TCF23: variants seen among roughly 807,000 people sequenced by gnomAD.
TCF23 encodes class A basic helix-loop-helix protein 24.
A neutral mutation model predicts 13.0 loss-of-function variants in TCF23; 7 were observed. That is an observed-to-expected ratio of 0.54 (90% CI 0.31 to 1.01). TCF23 has a LOEUF of 1.01. TCF23 is among the 50% of genes least tolerant of loss of function. The pLI, the probability that TCF23 is intolerant of heterozygous loss-of-function variation, is 0.06. For missense variants in TCF23, 257 were observed against 289.8 expected (o/e 0.89, Z 0.82); for synonymous variants, 122 against 119.5 (o/e 1.02, Z -0.14).
chr2:27,149,038 C>A lies in TCF23; in HGVS notation c.-96C>A. 8.3e-7 allele frequency: 1 copy of A among 1,212,042 alleles called. No homozygotes were observed. The allele number at this position is 1,212,042 out of a possible 1,614,324, so 75.1% of individuals were successfully genotyped here. The stretch of plus-strand genomic sequence containing the variant: ...CCAGCTTCCTCGGATGTAGATATTG[C>A]TGGCTGGATGACCAGCCACAGCCAG... On this transcript the variant is annotated 5_prime_UTR_variant, in exon 1 of 3. In the 5' UTR this introduces an upstream ATG that the reference lacks. Coordinates refer to ENST00000296096, the MANE Select transcript of TCF23 (RefSeq NM_175769.3).
chr2:27,150,119 G>A lies in TCF23; in HGVS notation c.223-4G>A, dbSNP rs769235669. On this transcript the variant is annotated splice_polypyrimidine_tract_variant and splice_region_variant and intron_variant, in intron 1 of 2. Transcript: ENST00000296096. The surrounding 1 kb of genome is among the most constrained non-coding windows in gnomAD (Gnocchi z 4.1). The stretch of plus-strand genomic sequence containing the variant: ...ACACACACTCACTGGGGCCCTCTGT[G>A]CAGAGCGAGGCCAGTCCTGAGAATG... 36 of 1,598,894 alleles carry A rather than the reference G, an allele frequency of 2.3e-5. No homozygotes were observed. The highest frequency in any genetic ancestry group is 3.0e-5 in the Non-Finnish European group (35 of 1,176,618).
chr2:27,153,102 A>G lies in TCF23; in HGVS notation c.*235A>G. 1.0e-6 allele frequency: 1 copy of G among 960,694 alleles called. No homozygotes were observed. The highest frequency in any genetic ancestry group is 3.2e-5 in the South Asian group (1 of 31,522). 59.5% of individuals were successfully genotyped at this position (960,694 alleles called of 1,614,324 possible). A position where few individuals can be genotyped will look rare whatever the true frequency, so the allele number is the denominator to read the frequency against. On this transcript the variant is annotated 3_prime_UTR_variant, in exon 3 of 3. Coordinates refer to ENST00000296096, the MANE Select transcript of TCF23 (RefSeq NM_175769.3). ...GACTTCCCCATGGCTCTTCTGTGAC[A>G]GCTACTGGGAAGTGGGAGAGAAAGA... is the stretch of plus-strand genomic sequence containing the variant.
rs945599240 is a variant in TCF23, at chr2:27,153,212, A to G, written c.*345A>G. ...TCTACAAACCCTCTGCAGATAGCAA[A>G]AAGGCAGGTGCAGAGGGAGGGGCCT... On this transcript the variant is annotated 3_prime_UTR_variant, in exon 3 of 3. Coordinates refer to ENST00000296096, the MANE Select transcript of TCF23 (RefSeq NM_175769.3). The G allele has an allele frequency of 9.1e-4, 186 of 205,476 alleles. No homozygotes were observed. The highest frequency in any genetic ancestry group is 4.1e-3 in the African/African-American group (179 of 43,164). The allele number at this position is 205,476 out of a possible 1,614,324, so 12.7% of individuals were successfully genotyped here.
At chr2:27,151,149 A>G (rs1003680931) in intron 2 of TCF23, among the ~76,000 whole-genome samples, 1 of 152,164 alleles carries the variant, frequency 6.6e-6, no homozygotes, top group Non-Finnish European at 1.5e-5. Flanking sequence ...ATGAGGCTGA[A>G]AGCGGTTTGA....
chr2:27,152,445 G>A (rs1672774383), intron 2 of TCF23, among the ~76,000 whole-genome samples: 1 of 152,228 alleles, frequency 6.6e-6, no homozygotes, highest in Non-Finnish European at 1.5e-5. Context: ...TCCCAACAGA[G>A]CGCTGCTCTT....
Position 27,150,298 on chromosome 2 carries a change from G to A in TCF23, c.398G>A (p.Gly133Asp), listed in dbSNP as rs148091174. ...SYIAHLTRTL[G>D]HELPGPAWPP... Reference sequence around the variant, plus strand: ...ATAGCCCACCTCACCCGCACACTCGGCCACGAGTTGCCTGGCCCTGCCTGG... The same window carrying A: ...ATAGCCCACCTCACCCGCACACTCGACCACGAGTTGCCTGGCCCTGCCTGG... Residue 133 changes from glycine (G) to aspartate (D), a missense_variant, in exon 2 of 3, where the codon GGC becomes GAC. By Grantham distance (94) the Gly-to-Asp change is moderately conservative. Transcript: ENST00000296096. This position sits in a 1 kb window ranked among gnomAD's most constrained non-coding sequence, Gnocchi z 4.1. 3,543 of 1,613,732 alleles carry A rather than the reference G, an allele frequency of 2.2e-3. 6 individuals carry two copies. The highest frequency in any genetic ancestry group is 2.7e-3 in the Non-Finnish European group (3,236 of 1,180,014).
intron 2 of TCF23, among the ~76,000 whole-genome samples, chr2:27,151,051 G>A (rs1033999129): frequency 6.6e-6 from 1 of 152,234 alleles, no homozygotes; most frequent in Admixed American, 6.5e-5. Context: ...GCTGGGTTAA[G>A]TACGTTAGTG....
intron 2 of TCF23, among the ~76,000 whole-genome samples, chr2:27,152,464 C>T (rs1199967917): frequency 5.3e-5 from 8 of 152,192 alleles, no homozygotes; most frequent in African/African-American, 1.9e-4. Flanking sequence ...TTCTTGGGGC[C>T]CTCTCCCTCC....
Position 27,150,007 on chromosome 2 carries a change from G to C in TCF23, c.223-116G>C. On this transcript the variant is annotated intron_variant, in intron 1 of 2. Transcript: ENST00000296096. This position sits in a 1 kb window ranked among gnomAD's most constrained non-coding sequence, Gnocchi z 4.1. ...GACGTAGGTGGGCAGAGGCCCTCTGGTGCCTACTGCTAGACACCCTTCTAC... is the reference window on the plus strand; with the variant it reads ...GACGTAGGTGGGCAGAGGCCCTCTGCTGCCTACTGCTAGACACCCTTCTAC... The C allele has an allele frequency of 1.3e-6, 2 of 1,487,262 alleles. No individual in the cohort carries two copies. The highest frequency in any genetic ancestry group is 4.6e-5 in the East Asian group (2 of 43,874). The allele number at this position is 1,487,262 out of a possible 1,614,324, so 92.1% of individuals were successfully genotyped here. A position where few individuals can be genotyped will look rare whatever the true frequency, so the allele number is the denominator to read the frequency against.
Position 27,152,678 on chromosome 2 carries a change from T to C in TCF23, c.466-10T>C. On this transcript the variant is annotated splice_polypyrimidine_tract_variant and intron_variant, in intron 2 of 2. Transcript: ENST00000296096. The stretch of plus-strand genomic sequence containing the variant: ...GCAGCATTTCTCACTTCCCAATCTG[T>C]GTCTTGCAGAAGTGGCCGATGCGAT... 6.2e-7 allele frequency: 1 copy of C among 1,610,210 alleles called. No homozygotes were observed. The highest frequency in any genetic ancestry group is 1.1e-5 in the South Asian group (1 of 90,738).
rs1672752364 is a variant in TCF23 at position 27,150,879 on chromosome 2, C to T, written c.465+514C>T. On this transcript the variant is annotated intron_variant, in intron 2 of 2. Transcript: ENST00000296096. This position sits in a 1 kb window ranked among gnomAD's most constrained non-coding sequence, Gnocchi z 4.1. ...GTACAGGGAAGGCGCGCACCACTTG[C>T]CAGACTGCAATCTAGCTTTTCTCAA... is the stretch of plus-strand genomic sequence containing the variant. Among the ~76,000 whole-genome samples, 1 of 152,104 alleles carries T rather than the reference C, an allele frequency of 6.6e-6. No homozygotes were observed. Among genetic ancestry groups the T allele is most frequent in the Non-Finnish European group, 1.5e-5 (1 of 68,012 alleles).
chr2:27,149,149 G>C lies in TCF23; in HGVS notation c.16G>C (p.Ala6Pro), dbSNP rs1230203924. 1 of 1,550,072 alleles carries C rather than the reference G, an allele frequency of 6.5e-7. No homozygotes were observed. The highest frequency in any genetic ancestry group is 1.4e-5 in the African/African-American group (1 of 73,120). Reference protein sequence around the residue: MSQRKARGPPAMPGVG... With the variant: MSQRKPRGPPAMPGVG... Reference sequence around the variant, plus strand: ...GTGGGGTGGCATGTCACAGAGGAAGGCCAGAGGGCCACCAGCCATGCCAGG... The same window carrying C: ...GTGGGGTGGCATGTCACAGAGGAAGCCCAGAGGGCCACCAGCCATGCCAGG... The change falls in exon 1 of 3, where the codon GCC becomes CCC. Residue 6 changes from alanine to proline, a missense_variant. Physicochemically the swap from Ala to Pro is conservative, Grantham distance 27. Coordinates refer to ENST00000296096, the MANE Select transcript of TCF23 (RefSeq NM_175769.3).
chr2:27,151,340 C>T (rs1483295539), intron 2 of TCF23, among the ~76,000 whole-genome samples: 1 of 151,902 alleles, frequency 6.6e-6, no homozygotes, highest in Non-Finnish European at 1.5e-5. Flanking sequence ...TATATATGTA[C>T]TATTATTTTT....
intron 2 of TCF23, 145 bp from the exon 3 acceptor site, chr2:27,152,543 G>A (rs1414236952): frequency 2.2e-6 from 2 of 898,404 alleles, no homozygotes; most frequent in Non-Finnish European, 3.3e-6. Context: ...GGCTGTACAT[G>A]ATGATGACCC....
In TCF23 at chr2:27,150,485, G is replaced by A. The variant is rs986513509; in HGVS notation, c.465+120G>A. On this transcript the variant is annotated intron_variant, in intron 2 of 2. Coordinates refer to ENST00000296096, the MANE Select transcript of TCF23 (RefSeq NM_175769.3). The surrounding 1 kb of genome is among the most constrained non-coding windows in gnomAD (Gnocchi z 4.1). ...CCCTGCCCTGTGCAGAACTGACGTC[G>A]GAGCCAATTTCTCCTGCTGTCTCAG... 85 of 1,494,064 alleles carry A rather than the reference G, an allele frequency of 5.7e-5. 1 individual carries two copies. The highest frequency in any genetic ancestry group is 3.5e-4 in the African/African-American group (25 of 71,820). 92.6% of individuals were successfully genotyped at this position (1,494,064 alleles called of 1,614,324 possible).
At position 27,149,373 on chromosome 2, in the gene TCF23, C is replaced by T. The variant is rs1366946758; in HGVS notation, c.222+18C>T. 20 of 1,559,640 alleles carry T rather than the reference C, an allele frequency of 1.3e-5. No homozygotes were observed. Among genetic ancestry groups the T allele is most frequent in the Non-Finnish European group, 1.6e-5 (18 of 1,151,174 alleles). On this transcript the variant is annotated intron_variant, in intron 1 of 2. Coordinates refer to ENST00000296096, the MANE Select transcript of TCF23 (RefSeq NM_175769.3). ...TTGGCAGGGTAAGGAAATCCTGCAC[C>T]TGCAGAGGGGTCCAGGGGAGGAAGG... is the stretch of plus-strand genomic sequence containing the variant.
rs200237600 is a variant in TCF23 at position 27,150,224 on chromosome 2, C to T, written c.324C>T (p.Pro108=). ...ALQAALPAVP[P]DTKLSKLDVL... ...AGGCTGCTCTGCCTGCCGTGCCGCC[C>T]GACACCAAGCTCTCCAAGTTGGACG... The change falls in exon 2 of 3, where the codon CCC becomes CCT. Residue 108 remains proline, a synonymous_variant. Coordinates refer to ENST00000296096, the MANE Select transcript of TCF23 (RefSeq NM_175769.3). The surrounding 1 kb of genome is among the most constrained non-coding windows in gnomAD (Gnocchi z 4.1). The T allele has an allele frequency of 2.9e-5, 47 of 1,613,394 alleles. 1 individual carries two copies. The East Asian group carries it at 6.2e-4, about 21-fold the overall frequency.
Position 27,152,899 on chromosome 2 carries a change from G to GAC in TCF23, c.*33_*34dup, listed in dbSNP as rs749054320. The GAC allele has an allele frequency of 6.8e-5, 109 of 1,591,770 alleles. No individual in the cohort carries two copies. Among genetic ancestry groups the GAC allele is most frequent in the Non-Finnish European group, 9.3e-5 (108 of 1,165,932 alleles). On this transcript the variant is annotated 3_prime_UTR_variant, in exon 3 of 3. Coordinates refer to ENST00000296096, the MANE Select transcript of TCF23 (RefSeq NM_175769.3). Reference sequence around the variant, plus strand: ...CACTCGCCCTTTTCTCCTAGACTGTGACTCATGCTTATGGGCCTGGATTTT... The same window carrying GAC: ...CACTCGCCCTTTTCTCCTAGACTGTGACACTCATGCTTATGGGCCTGGATTTT...
Position 27,150,140 on chromosome 2 carries a change from G to A in TCF23, c.240G>A (p.Glu80=). 1 of 1,605,912 alleles carries A rather than the reference G, an allele frequency of 6.2e-7. No individual in the cohort carries two copies. The highest frequency in any genetic ancestry group is 8.5e-7 in the Non-Finnish European group (1 of 1,178,896). ...CTGTGCAGAGCGAGGCCAGTCCTGA[G>A]AATGCCGCGCGGGAGCGGAGCCGGG... is the stretch of plus-strand genomic sequence containing the variant. ...LALGRSEASP[E]NAARERSRVR... The change falls in exon 2 of 3, where the codon GAG becomes GAA. Residue 80 remains glutamate (E), a synonymous_variant. Transcript: ENST00000296096. This position sits in a 1 kb window ranked among gnomAD's most constrained non-coding sequence, Gnocchi z 4.1.
Sources: allele counts gnomAD v4.1 joint callset (sites outside exome capture counted in the v4.1 genomes callset), GRCh38; gene constraint gnomAD v4.1.1; non-coding constraint Gnocchi (gnomAD v3.1); transcripts MANE v1.5; gene names NCBI Gene and HGNC (gene_info 2026-07-23, HGNC 2026-07-21).